Variants in ERGIC1 observed in about 807,000 individuals in gnomAD.
The protein encoded by ERGIC1 is endoplasmic reticulum-golgi intermediate compartment 1.
Under a neutral mutation model 38.3 loss-of-function variants are expected in ERGIC1, and 19 were observed. The ratio of observed to expected loss-of-function variants is 0.50; its 90% confidence interval spans 0.35 to 0.73. ERGIC1 has a LOEUF of 0.73. Ranked by LOEUF, ERGIC1 falls within the 30% of genes least tolerant of loss-of-function variation. The pLI, the probability that ERGIC1 is intolerant of heterozygous loss-of-function variation, is 0.01. For synonymous variants in ERGIC1, 124 were observed against 157.6 expected, an observed-to-expected ratio of 0.79 and a Z score of 1.60; for missense variants, 294 against 389.2, an observed-to-expected ratio of 0.76 and a Z score of 2.06.
chr5:172,941,054 A>G (rs1467572580), intron 9 of ERGIC1, among the ~76,000 whole-genome samples: 1 of 152,198 alleles, frequency 6.6e-6, no homozygotes, highest in Non-Finnish European at 1.5e-5. Flanking sequence ...CAAGGTGGGC[A>G]GATCTCCTGA....
rs756434144 is a variant in ERGIC1 at position 172,886,068 on chromosome 5, C to T, written c.21-2631C>T. ...GTTTTCTCTCCATTCCCTCTCCCCA[C>T]CCCTACCTCCCAAATTTGCTGACCT... On this transcript the variant is annotated intron_variant, in intron 1 of 9. Transcript: ENST00000393784. Among the ~76,000 whole-genome samples, 6 of 152,130 alleles carry T rather than the reference C, an allele frequency of 3.9e-5. No homozygotes were observed. In the Middle Eastern group the frequency reaches 0.017, roughly 431 times the overall value.
At chr5:172,875,975 T>C (rs767720414) in intron 1 of ERGIC1, among the ~76,000 whole-genome samples, 7 of 152,218 alleles carry the variant, frequency 4.6e-5, no homozygotes, top group Non-Finnish European at 1.0e-4. Context: ...TTCTGTAAAC[T>C]GGTGGTTAGA....
chr5:172,836,434 T>C (rs1340599738), intron 1 of ERGIC1, among the ~76,000 whole-genome samples: 1 of 152,146 alleles, frequency 6.6e-6, no homozygotes, highest in East Asian at 1.9e-4. Flanking sequence ...CCAGCTTAAC[T>C]AGGAAATACT....
intron 1 of ERGIC1, among the ~76,000 whole-genome samples, chr5:172,874,749 A>T (rs1407194441): frequency 1.3e-5 from 2 of 151,786 alleles, no homozygotes; most frequent in Admixed American, 1.3e-4. Flanking sequence ...AACATGGCAA[A>T]ACCCCGTCTC....
chr5:172,863,275 A>G (rs1467508717), intron 1 of ERGIC1, among the ~76,000 whole-genome samples: 2 of 152,212 alleles, frequency 1.3e-5, no homozygotes, highest in Non-Finnish European at 2.9e-5. Context: ...CTAAAAAGTG[A>G]GATTATTAAG....
chr5:172,941,944 C>T (rs768635001), intron 9 of ERGIC1, among the ~76,000 whole-genome samples: 5 of 152,272 alleles, frequency 3.3e-5, no homozygotes, highest in Admixed American at 6.5e-5. Flanking sequence ...CAGTGGCTCA[C>T]GCCTGTAATC....
At chr5:172,895,351 G>A (rs1209879424) in intron 2 of ERGIC1, among the ~76,000 whole-genome samples, 1 of 152,204 alleles carries the variant, frequency 6.6e-6, no homozygotes, top group Admixed American at 6.5e-5. Context: ...GCACAAAGAG[G>A]TTAAGTAACT....
intron 7 of ERGIC1, among the ~76,000 whole-genome samples, chr5:172,931,487 C>A (rs1763773606): frequency 6.6e-6 from 1 of 152,212 alleles, no homozygotes; most frequent in Non-Finnish European, 1.5e-5. Context: ...AGCAGCTCCC[C>A]CATCCAGGAA....
chr5:172,834,287 G>T lies in ERGIC1; in HGVS notation c.-127G>T, dbSNP rs962186081. 1.6e-4 allele frequency: 143 copies of T among 921,364 alleles called. No individual in the cohort carries two copies. Among genetic ancestry groups the T allele is most frequent in the Non-Finnish European group, 1.9e-4 (137 of 734,820 alleles). The allele number at this position is 921,364 out of a possible 1,614,324, so 57.1% of individuals were successfully genotyped here. A position where few individuals can be genotyped will look rare whatever the true frequency, so the allele number is the denominator to read the frequency against. The stretch of plus-strand genomic sequence containing the variant: ...GCGGGAGGCGAGTGGCGAGTGGCGA[G>T]TGGCGAGTGTCAGGGGGGCGGCCGG... On this transcript the variant is annotated 5_prime_UTR_variant, in exon 1 of 10. Coordinates refer to ENST00000393784, the MANE Select transcript of ERGIC1 (RefSeq NM_001031711.3). The surrounding 1 kb of genome is among the most constrained non-coding windows in gnomAD (Gnocchi z 4.1).
rs566943026 is a variant in ERGIC1, at chr5:172,839,204, G to A, written c.20+4771G>A. Among the ~76,000 whole-genome samples the A allele has an allele frequency of 2.1e-5, 3 of 141,822 alleles. No individual in the cohort carries two copies. The East Asian group carries it at 6.2e-4, about 29-fold the overall frequency. 93.0% of individuals were successfully genotyped at this position (141,822 alleles called of 152,430 possible). ...TGCAGTGAACTGAGATCTTGCCACT[G>A]TACTCCAGCCTGGCCAACAGAGCGA... On this transcript the variant is annotated intron_variant, in intron 1 of 9. Coordinates refer to ENST00000393784, the MANE Select transcript of ERGIC1 (RefSeq NM_001031711.3).
At chr5:172,859,393 G>A (rs913388332) in intron 1 of ERGIC1, among the ~76,000 whole-genome samples, 20 of 150,928 alleles carry the variant, frequency 1.3e-4, no homozygotes, top group African/African-American at 1.7e-4. Context: ...TCCCATGGCC[G>A]CCTCCTTATC....
Position 172,846,033 on chromosome 5 carries a change from T to G in ERGIC1, c.20+11600T>G, listed in dbSNP as rs1414601997. On this transcript the variant is annotated intron_variant, in intron 1 of 9. Coordinates refer to ENST00000393784, the MANE Select transcript of ERGIC1 (RefSeq NM_001031711.3). The surrounding 1 kb of genome is among the most constrained non-coding windows in gnomAD (Gnocchi z 4.0). ...CAGCCTGGGTTTGTCTGATGTTTCT[T>G]CCTAAGTGGACAGGGTTATGGTTTT... Among the ~76,000 whole-genome samples the G allele has an allele frequency of 1.3e-5, 2 of 152,144 alleles. No homozygotes were observed. Among genetic ancestry groups the G allele is most frequent in the Non-Finnish European group, 2.9e-5 (2 of 68,012 alleles).
At chr5:172,858,964 T>C (rs368464796) in intron 1 of ERGIC1, among the ~76,000 whole-genome samples, 2 of 152,226 alleles carry the variant, frequency 1.3e-5, no homozygotes, top group African/African-American at 4.8e-5. Flanking sequence ...GGCCTGTGGC[T>C]GGGGGAGCTG....
intron 1 of ERGIC1, among the ~76,000 whole-genome samples, chr5:172,843,649 C>T (rs892871716): frequency 6.6e-6 from 1 of 152,336 alleles, no homozygotes; most frequent in South Asian, 2.1e-4. Context: ...CAACCCTGGC[C>T]ACCCTTTCTG....
At chr5:172,919,589 T>C (rs1326071513) in intron 5 of ERGIC1, among the ~76,000 whole-genome samples, 1 of 152,226 alleles carries the variant, frequency 6.6e-6, no homozygotes, top group Admixed American at 6.5e-5. Context: ...GCTACCATGG[T>C]CACTGGTTGA....
intron 1 of ERGIC1, among the ~76,000 whole-genome samples, chr5:172,871,306 G>A (rs912887981): frequency 6.6e-6 from 1 of 152,200 alleles, no homozygotes; most frequent in Non-Finnish European, 1.5e-5. Context: ...CCAGGAACCT[G>A]CCAGATACGC....
intron 1 of ERGIC1, among the ~76,000 whole-genome samples, chr5:172,875,118 C>T (rs1762112472): frequency 6.6e-6 from 1 of 152,144 alleles, no homozygotes; most frequent in African/African-American, 2.4e-5. Context: ...TTCCATACCT[C>T]CTCTGCTTTT....
At chr5:172,867,292 G>A (rs1761890879) in intron 1 of ERGIC1, 1 of 419,562 alleles carries the variant, frequency 2.4e-6, no homozygotes, top group Non-Finnish European at 4.9e-6. Context: ...GGGGGTGGTG[G>A]ACCTCCCAGG....
intron 2 of ERGIC1, among the ~76,000 whole-genome samples, chr5:172,890,869 G>C (rs1353206152): frequency 6.6e-6 from 1 of 152,222 alleles, no homozygotes; most frequent in African/African-American, 2.4e-5. Context: ...ATTCTCAGTT[G>C]GGGGAGGACC....
Sources: gnomAD v4.1 joint callset for allele counts (sites outside exome capture counted in the v4.1 genomes callset) on GRCh38, gnomAD v4.1.1 for gene constraint, Gnocchi (gnomAD v3.1) non-coding constraint, MANE v1.5 for transcripts, NCBI Gene and HGNC (gene_info 2026-07-23, HGNC 2026-07-21) for gene names.